SRPK2: variants seen among roughly 807,000 people sequenced by gnomAD.
The protein encoded by SRPK2 is SFRS protein kinase 2.
A neutral mutation model predicts 90.8 loss-of-function variants in SRPK2; 21 were observed. That is an observed-to-expected ratio of 0.23 (90% CI 0.16 to 0.33). The LOEUF (loss-of-function observed/expected upper bound fraction) is 0.33, where lower values mean the gene tolerates loss of function less well. Among genes scored for constraint, SRPK2 ranks in the 10% least tolerant of loss-of-function variants. The pLI is 1.00. For synonymous variants in SRPK2, 288 were observed against 311.1 expected (o/e 0.93, Z 0.78); for missense variants, 620 against 869.0 (o/e 0.71, Z 3.60).
intron 2 of SRPK2, among the ~76,000 whole-genome samples, chr7:105,328,950 G>A (rs570185160): frequency 2.6e-4 from 40 of 152,098 alleles, no homozygotes; most frequent in African/African-American, 8.7e-4. Flanking sequence ...GGAGGCTGAC[G>A]TGGGAGGATC....
chr7:105,280,203 T>C (rs1022712039), intron 2 of SRPK2, among the ~76,000 whole-genome samples: 1 of 151,978 alleles, frequency 6.6e-6, no homozygotes, highest in Non-Finnish European at 1.5e-5. Context: ...TTGCTTCAGG[T>C]CAGAAGTTCG....
At chr7:105,331,668 T>G (rs1323524931) in intron 2 of SRPK2, among the ~76,000 whole-genome samples, 1 of 152,152 alleles carries the variant, frequency 6.6e-6, no homozygotes, top group Non-Finnish European at 1.5e-5. Flanking sequence ...AAAGCACATA[T>G]GAGCCCTCAC....
chr7:105,311,990 CA>C (rs1434946880), intron 2 of SRPK2, among the ~76,000 whole-genome samples: 1 of 152,110 alleles, frequency 6.6e-6, no homozygotes, highest in African/African-American at 2.4e-5. Flanking sequence ...AATTGTGGTA[CA>C]TATATACAAT....
At chr7:105,127,093 T>G (rs759670312) in intron 13 of SRPK2, 31 bp from the exon 14 acceptor site, 8 of 1,609,640 alleles carry the variant, frequency 5.0e-6, no homozygotes, top group African/African-American at 4.0e-5. Context: ...TGCTAAGCAC[T>G]TCAGAGACTG....
Position 105,281,602 on chromosome 7 carries a change from T to C in SRPK2, c.72-77817A>G, listed in dbSNP as rs187073074. The stretch of plus-strand genomic sequence containing the variant: ...TGAAGTTTAAGGATATAATGCACTA[T>C]CATCACACCTGTGGATAGTCACTGC... On this transcript the variant is annotated intron_variant, in intron 2 of 15. Coordinates refer to ENST00000393651, the MANE Select transcript of SRPK2 (RefSeq NM_182692.3). Among the ~76,000 whole-genome samples the C allele has an allele frequency of 2.7e-5, 4 of 150,088 alleles. No individual in the cohort carries two copies. The East Asian group carries it at 5.9e-4, about 22-fold the overall frequency.
At chr7:105,283,973 G>C (rs535168794) in intron 2 of SRPK2, among the ~76,000 whole-genome samples, 133 of 152,220 alleles carry the variant, frequency 8.7e-4, no homozygotes, top group Non-Finnish European at 1.5e-3. Flanking sequence ...CTGGGAGACA[G>C]GCTGGGAGAC....
At chr7:105,373,548 G>A (rs1383611707) in intron 2 of SRPK2, among the ~76,000 whole-genome samples, 5 of 151,494 alleles carry the variant, frequency 3.3e-5, no homozygotes, top group Non-Finnish European at 7.4e-5. Context: ...GATTACAGGC[G>A]TGCACCACCA....
In SRPK2 at chr7:105,171,158, C is replaced by G. The variant is rs117024312; in HGVS notation, c.230-1893G>C. Among the ~76,000 whole-genome samples, 407 of 151,956 alleles carry G rather than the reference C, an allele frequency of 2.7e-3. 9 individuals carry two copies. In the East Asian group the frequency reaches 0.055, roughly 20 times the overall value. On this transcript the variant is annotated intron_variant, in intron 3 of 15. Transcript: ENST00000393651. ...CCCTATTAAGGTAGATTCTTGAGGGCAAGTAGGGTGCCTCACTGATATCTG... is the reference window on the plus strand; with the variant it reads ...CCCTATTAAGGTAGATTCTTGAGGGGAAGTAGGGTGCCTCACTGATATCTG...
At chr7:105,234,516 G>A (rs752875237) in intron 2 of SRPK2, among the ~76,000 whole-genome samples, 72 of 152,134 alleles carry the variant, frequency 4.7e-4, no homozygotes, top group Admixed American at 1.5e-3. Flanking sequence ...ACTTCAACCC[G>A]TAAAATAATG....
At chr7:105,261,438 G>T (rs1296594273) in intron 2 of SRPK2, among the ~76,000 whole-genome samples, 2 of 151,754 alleles carry the variant, frequency 1.3e-5, no homozygotes, top group African/African-American at 4.8e-5. Context: ...GGAGAATGGC[G>T]TGAACCTGGG....
At chr7:105,275,442 A>T (rs1806364179) in intron 2 of SRPK2, among the ~76,000 whole-genome samples, 1 of 151,804 alleles carries the variant, frequency 6.6e-6, no homozygotes, top group Non-Finnish European at 1.5e-5. Flanking sequence ...TCCCCCATTC[A>T]TTCTCTTGCA....
At chr7:105,220,692 A>G (rs569169666) in intron 2 of SRPK2, among the ~76,000 whole-genome samples, 3 of 152,268 alleles carry the variant, frequency 2.0e-5, no homozygotes, top group Non-Finnish European at 2.9e-5. Flanking sequence ...AAACTAGCAT[A>G]CCATTTACCA....
intron 3 of SRPK2, among the ~76,000 whole-genome samples, chr7:105,175,157 G>C (rs1429655618): frequency 6.7e-6 from 1 of 149,602 alleles, no homozygotes; most frequent in African/African-American, 2.4e-5. Flanking sequence ...AAAAAAGAAA[G>C]AAAGAAGAGG....
At chr7:105,241,497 G>C (rs933689016) in intron 2 of SRPK2, among the ~76,000 whole-genome samples, 2 of 152,022 alleles carry the variant, frequency 1.3e-5, no homozygotes, top group Admixed American at 6.6e-5. Context: ...TATATTGACT[G>C]TCCCCTTAAA....
chr7:105,311,098 G>A (rs1308373216), intron 2 of SRPK2, among the ~76,000 whole-genome samples: 1 of 151,886 alleles, frequency 6.6e-6, no homozygotes, highest in Admixed American at 6.6e-5. Flanking sequence ...TACCAAAAAA[G>A]TGAAAAGGCA....
rs145499653 is a variant in SRPK2, at chr7:105,143,521, A to G, written c.814-191T>C. The G allele has an allele frequency of 3.9e-4, 265 of 685,944 alleles. No individual in the cohort carries two copies. The African/African-American group carries it at 4.1e-3, about 11-fold the overall frequency. 42.5% of individuals were successfully genotyped at this position (685,944 alleles called of 1,614,324 possible). On this transcript the variant is annotated intron_variant, in intron 9 of 15. Transcript: ENST00000393651. ...ATCAAAGGGAAAGCAGTGCTGACTG[A>G]TATCACGTACTAGGTCTACTACCAG... is the stretch of plus-strand genomic sequence containing the variant.
chr7:105,136,243 C>T (rs1450573150), intron 11 of SRPK2, among the ~76,000 whole-genome samples: 1 of 152,202 alleles, frequency 6.6e-6, no homozygotes, highest in African/African-American at 2.4e-5. Context: ...AAAAACACAA[C>T]AGGAGGTAAA....
intron 2 of SRPK2, among the ~76,000 whole-genome samples, chr7:105,205,311 T>C (rs930531883): frequency 3.3e-5 from 5 of 152,112 alleles, no homozygotes; most frequent in African/African-American, 9.7e-5. Context: ...ATCAAAGGTA[T>C]GAATATCTTT....
intron 2 of SRPK2, among the ~76,000 whole-genome samples, chr7:105,311,273 C>T (rs559384016): frequency 1.3e-5 from 2 of 152,132 alleles, no homozygotes; most frequent in South Asian, 4.1e-4. Context: ...TCACTCGTCT[C>T]CCAGGCTGGA....
Sources: gnomAD v4.1 joint callset for allele counts (sites outside exome capture counted in the v4.1 genomes callset) on GRCh38, gnomAD v4.1.1 for gene constraint, MANE v1.5 for transcripts, NCBI Gene and HGNC (gene_info 2026-07-23, HGNC 2026-07-21) for gene names.